Variants in ZNF420 observed in about 807,000 individuals in gnomAD.
ZNF420 encodes the protein ATM and p53-associated KZNF protein.
Under a neutral mutation model 44.7 loss-of-function variants are expected in ZNF420, and 31 were observed. That is an observed-to-expected ratio of 0.69 (90% confidence interval 0.52 to 0.94). The LOEUF is 0.94. Ranked by LOEUF, ZNF420 falls within the 40% of genes least tolerant of loss-of-function variation. The probability of loss-of-function intolerance (pLI) is 0.00; values close to 1 mark genes in which losing one functional copy is unlikely to be tolerated. For missense variants in ZNF420, 681 were observed against 827.9 expected (o/e 0.82, Z 2.18); for synonymous variants, 245 against 267.4 (o/e 0.92, Z 0.82).
intron 1 of ZNF420, among the ~76,000 whole-genome samples, chr19:37,017,808 ACTAG>A (rs2146378161): frequency 6.6e-6 from 1 of 152,332 alleles, no homozygotes; most frequent in East Asian, 1.9e-4. Flanking sequence ...TACTAAAAGT[ACTAG>A]CTACAGAAAT....
At chr19:37,012,764 C>G (rs34729406) in intron 1 of ZNF420, among the ~76,000 whole-genome samples, 12,222 of 132,296 alleles carry the variant, frequency 0.092, 778 homozygotes, top group Non-Finnish European at 0.12. Context: ...TGCTATATGT[C>G]TCTGTGTGTG....
chr19:37,053,049 CT>C (rs1368279360), intron 1 of ZNF420, among the ~76,000 whole-genome samples: 3 of 152,140 alleles, frequency 2.0e-5, no homozygotes, highest in Admixed American at 2.0e-4. Context: ...TTCTTGGAGG[CT>C]TTGTTCATTT....
At chr19:37,011,880 T>C (rs1433151213) in intron 1 of ZNF420, among the ~76,000 whole-genome samples, 1 of 152,180 alleles carries the variant, frequency 6.6e-6, no homozygotes, top group Non-Finnish European at 1.5e-5. Flanking sequence ...CGGTGTCTTC[T>C]TGCAGGAGCC....
intron 1 of ZNF420, among the ~76,000 whole-genome samples, chr19:37,012,440 G>A (rs1349439927): frequency 6.6e-6 from 1 of 152,226 alleles, no homozygotes; most frequent in South Asian, 2.1e-4. Flanking sequence ...GTGCTTGGGT[G>A]TCGGGGCCCT....
At chr19:37,024,263 A>C (rs2074669160) in intron 1 of ZNF420, among the ~76,000 whole-genome samples, 1 of 152,026 alleles carries the variant, frequency 6.6e-6, no homozygotes, top group South Asian at 2.1e-4. Context: ...TAACTCTGGC[A>C]TGTATTGATT....
At chr19:37,121,829 A>C (rs1971061237) in intron 4 of ZNF420, among the ~76,000 whole-genome samples, 1 of 152,206 alleles carries the variant, frequency 6.6e-6, no homozygotes, top group Non-Finnish European at 1.5e-5. Context: ...ACACTTCTCA[A>C]AAGAAGACAT....
chr19:37,122,087 A>G (rs1424852581), intron 4 of ZNF420, among the ~76,000 whole-genome samples: 1 of 152,194 alleles, frequency 6.6e-6, no homozygotes, highest in Non-Finnish European at 1.5e-5. Context: ...TAGAAATACC[A>G]TTTGACCCAG....
chr19:37,016,139 A>G (rs770682585), intron 1 of ZNF420, among the ~76,000 whole-genome samples: 2 of 152,262 alleles, frequency 1.3e-5, no homozygotes, highest in African/African-American at 2.4e-5. Flanking sequence ...CTATTCCGTC[A>G]GATGACTGCA....
At chr19:37,102,547 T>C (rs1018893522) in intron 4 of ZNF420, among the ~76,000 whole-genome samples, 3 of 152,170 alleles carry the variant, frequency 2.0e-5, no homozygotes, top group Non-Finnish European at 4.4e-5. Flanking sequence ...AGCCAAGCCC[T>C]CTGGGGAATG....
At chr19:37,115,071 G>T in intron 4 of ZNF420, 1 of 164,258 alleles carries the variant, frequency 6.1e-6, no homozygotes, top group South Asian at 1.9e-4. Flanking sequence ...GGCTTCTTCT[G>T]AGCGCACAAG....
chr19:37,100,989 T>C (rs1454261290), intron 4 of ZNF420, among the ~76,000 whole-genome samples: 1 of 125,578 alleles, frequency 8.0e-6, no homozygotes, highest in East Asian at 2.0e-4. Context: ...TGGTTAAATT[T>C]ATTCCTTTTT....
chr19:37,088,978 A>G (rs1968981782), intron 2 of ZNF420, 61 bp from the exon 3 acceptor site: 1 of 761,768 alleles, frequency 1.3e-6, no homozygotes, highest in East Asian at 2.5e-5. Context: ...GATAATTCCA[A>G]CTGAATCATT....
At chr19:37,087,301 ATAAATAAATAAAT>A (rs1968868403) in intron 2 of ZNF420, among the ~76,000 whole-genome samples, 1 of 124,522 alleles carries the variant, frequency 8.0e-6, no homozygotes, top group African/African-American at 3.7e-5. Flanking sequence ...AAATAAATAA[ATAAATAAATAAAT>A]AAATAAATAA....
In ZNF420 at chr19:37,078,556, T is replaced by C. The variant is rs1436473588; in HGVS notation, c.-139T>C. 6.6e-6 allele frequency: 1 copy of C among 152,276 alleles called. No individual in the cohort carries two copies. The highest frequency in any genetic ancestry group is 2.4e-5 in the African/African-American group (1 of 41,456). The allele number at this position is 152,276 out of a possible 1,614,324, so 9.4% of individuals were successfully genotyped here. ...GGGAGCCAGATCTTGGACCCTGAAC[T>C]GCACCTCTGTCAAGGTAGGAGTGTC... is the stretch of plus-strand genomic sequence containing the variant. On this transcript the variant is annotated 5_prime_UTR_variant, in exon 1 of 5. Coordinates refer to ENST00000337995, the MANE Select transcript of ZNF420 (RefSeq NM_144689.5).
intron 2 of ZNF420, among the ~76,000 whole-genome samples, chr19:37,085,438 G>A (rs1017046355): frequency 2.6e-5 from 4 of 152,188 alleles, no homozygotes; most frequent in Non-Finnish European, 5.9e-5. Context: ...GGGTTCTCAG[G>A]CTCCACCAGG....
chr19:37,049,903 G>T (rs1207352062), intron 1 of ZNF420, among the ~76,000 whole-genome samples: 1 of 152,176 alleles, frequency 6.6e-6, no homozygotes, highest in Admixed American at 6.5e-5. Context: ...TAAGGTGCAA[G>T]GAAGGGATCC....
chr19:37,057,886 G>A (rs969322910), intron 1 of ZNF420, among the ~76,000 whole-genome samples: 1 of 152,142 alleles, frequency 6.6e-6, no homozygotes, highest in Non-Finnish European at 1.5e-5. Context: ...GAGAAATGAA[G>A]CCACACCACG....
At chr19:37,021,094 T>A (rs1219183001) in intron 1 of ZNF420, among the ~76,000 whole-genome samples, 1 of 152,168 alleles carries the variant, frequency 6.6e-6, no homozygotes, top group East Asian at 1.9e-4. Flanking sequence ...GCCAAAATCA[T>A]GAGCAAAAGA....
At chr19:37,028,814 A>T (rs979886273) in intron 1 of ZNF420, among the ~76,000 whole-genome samples, 3 of 152,160 alleles carry the variant, frequency 2.0e-5, no homozygotes, top group African/African-American at 7.2e-5. Context: ...TAGTGTGTAG[A>T]AAGTTATGTT....
Sources: gnomAD v4.1 joint callset for allele counts (sites outside exome capture counted in the v4.1 genomes callset) on GRCh38, gnomAD v4.1.1 for gene constraint, MANE v1.5 for transcripts, NCBI Gene and HGNC (gene_info 2026-07-23, HGNC 2026-07-21) for gene names.